The following IL7R variants were observed in gnomAD, a reference collection of about 807,000 sequenced individuals.
The protein encoded by IL7R is interleukin 7 receptor, also known as interleukin-7 receptor subunit alpha.
In IL7R, 38 loss-of-function variants were observed where a neutral mutation model predicts 47.0. That is an observed-to-expected ratio of 0.81 (90% confidence interval 0.62 to 1.06). The LOEUF (loss-of-function observed/expected upper bound fraction) is 1.06. Ranked by LOEUF, IL7R falls within the 50% of genes least tolerant of loss-of-function variation. IL7R has a pLI of 0.00. For synonymous variants in IL7R, 221 were observed against 199.8 expected, an observed-to-expected ratio of 1.11 and a Z score of -0.89; for missense variants, 633 against 534.8, an observed-to-expected ratio of 1.18 and a Z score of -1.81.
At chr5:35,870,935 T>A (rs993979394) in intron 3 of IL7R, 121 bp from the exon 4 acceptor site, 6 of 816,014 alleles carry the variant, frequency 7.4e-6, no homozygotes, top group Admixed American at 1.9e-5. Flanking sequence ...GTTTTCTGAA[T>A]AGTTGGCCAT....
intron 1 of IL7R, among the ~76,000 whole-genome samples, chr5:35,858,914 G>A (rs1356432730): frequency 2.0e-5 from 3 of 152,146 alleles, no homozygotes; most frequent in Non-Finnish European, 2.9e-5. Flanking sequence ...ACGCACATCT[G>A]TCCAGCTCTA....
intron 2 of IL7R, among the ~76,000 whole-genome samples, chr5:35,866,385 T>G (rs183078254): frequency 6.6e-6 from 1 of 152,114 alleles, no homozygotes; most frequent in Non-Finnish European, 1.5e-5. Context: ...TTTGGCCAGG[T>G]TTGGGTACCA....
Position 35,860,952 on chromosome 5 carries a change from C to A in IL7R, c.183C>A (p.Asp61Glu). Residue 61 changes from aspartate to glutamate, a missense_variant, in exon 2 of 8, where the codon GAC becomes GAA. Asp to Glu is a conservative substitution (Grantham distance 45). Transcript: ENST00000303115. ...ACTCACTGACCTGTGCTTTTGAGGA[C>A]CCAGATGTCAACATCACCAATCTGG... The part of the protein sequence containing the change: ...SQHSLTCAFE[D>E]PDVNITNLEF... 1 of 1,613,480 alleles carries A rather than the reference C, an allele frequency of 6.2e-7. No homozygotes were observed. Among genetic ancestry groups the A allele is most frequent in the Non-Finnish European group, 8.5e-7 (1 of 1,179,536 alleles).
In IL7R at chr5:35,878,520, A is replaced by T. The variant is rs1299753015; in HGVS notation, c.*2034A>T. On this transcript the variant is annotated 3_prime_UTR_variant, in exon 8 of 8. Coordinates refer to ENST00000303115, the MANE Select transcript of IL7R (RefSeq NM_002185.5). The stretch of plus-strand genomic sequence containing the variant: ...GGCAAATGCCACAAAAATGATGTAA[A>T]TTTACATGGAGGAAAAGTAGAATCT... 4.3e-6 allele frequency: 1 copy of T among 232,818 alleles called. No individual in the cohort carries two copies. Among genetic ancestry groups the T allele is most frequent in the East Asian group, 6.1e-5 (1 of 16,520 alleles). The allele number at this position is 232,818 out of a possible 1,614,324, so 14.4% of individuals were successfully genotyped here. A position where few individuals can be genotyped will look rare whatever the true frequency, so the allele number is the denominator to read the frequency against.
chr5:35,879,569 C>T lies in IL7R; in HGVS notation c.*3083C>T. 1 of 222,228 alleles carries T rather than the reference C, an allele frequency of 4.5e-6. No homozygotes were observed. Among genetic ancestry groups the T allele is most frequent in the Non-Finnish European group, 9.0e-6 (1 of 111,118 alleles). The allele number at this position is 222,228 out of a possible 1,614,324, so 13.8% of individuals were successfully genotyped here. A position where few individuals can be genotyped will look rare whatever the true frequency, so the allele number is the denominator to read the frequency against. ...TATAAGCGTACAATGTATGTAATAA[C>T]CATCTCATATTTAATTAAATGGTAT... On this transcript the variant is annotated 3_prime_UTR_variant, in exon 8 of 8. Transcript: ENST00000303115.
intron 3 of IL7R, among the ~76,000 whole-genome samples, chr5:35,868,798 C>T (rs895674850): frequency 6.6e-6 from 1 of 152,170 alleles, no homozygotes; most frequent in Admixed American, 6.5e-5. Flanking sequence ...AGCATGCAAG[C>T]CCTTACATGC....
At chr5:35,869,017 T>C (rs1330929886) in intron 3 of IL7R, among the ~76,000 whole-genome samples, 1 of 152,126 alleles carries the variant, frequency 6.6e-6, no homozygotes. Flanking sequence ...AGTGTGAGTC[T>C]CTTGGGGCTA....
At chr5:35,860,345 T>A (rs1364161271) in intron 1 of IL7R, among the ~76,000 whole-genome samples, 2 of 152,114 alleles carry the variant, frequency 1.3e-5, no homozygotes, top group African/African-American at 4.8e-5. Context: ...AAATTCTGAC[T>A]GCAAGATAGC....
rs772747002 is a variant in IL7R, at chr5:35,873,572, T to A, written c.630T>A (p.Asp210Glu). ...AGATTAAAGTTCGATCCATCCCTGA[T>A]CACTATTTTAAAGGCTTCTGGAGTG... ...MYEIKVRSIP[D>E]HYFKGFWSEW... Residue 210 changes from aspartate (D) to glutamate (E), a missense_variant, in exon 5 of 8, where the codon GAT (aspartate) becomes GAA (glutamate). Asp to Glu is a conservative substitution (Grantham distance 45). Coordinates refer to ENST00000303115, the MANE Select transcript of IL7R (RefSeq NM_002185.5). 1.9e-6 allele frequency: 3 copies of A among 1,613,978 alleles called. No individual in the cohort carries two copies. The South Asian group carries it at 3.3e-5, about 18-fold the overall frequency.
rs1435501978 is a variant in IL7R, at chr5:35,867,451, C to A, written c.367C>A (p.Leu123Ile). ...EKSLTCKKID[L>I]TTIVKPEAPF... ...GAGTCTAACCTGCAAAAAAATAGAC[C>A]TAACCACTATAGGTAAGAAGTTGTA... Residue 123 changes from leucine (L) to isoleucine (I), a missense_variant, in exon 3 of 8, where the codon CTA (leucine) becomes ATA (isoleucine). Transcript: ENST00000303115. 1 of 1,612,476 alleles carries A rather than the reference C, an allele frequency of 6.2e-7. No homozygotes were observed. The highest frequency in any genetic ancestry group is 1.3e-5 in the African/African-American group (1 of 74,818).
chr5:35,877,768 A>C lies in IL7R; in HGVS notation c.*1282A>C, dbSNP rs1580866181. ...GAGACGTATTATTAATGCTTGACAT[A>C]TATCATCTTGCCTTTCTTGGTCTAG... On this transcript the variant is annotated 3_prime_UTR_variant, in exon 8 of 8. Transcript: ENST00000303115. 8.6e-6 allele frequency: 2 copies of C among 233,316 alleles called. No individual in the cohort carries two copies. Among genetic ancestry groups the C allele is most frequent in the Non-Finnish European group, 1.7e-5 (2 of 118,046 alleles). The allele number at this position is 233,316 out of a possible 1,614,324, so 14.5% of individuals were successfully genotyped here.
chr5:35,860,871 A>C lies in IL7R; in HGVS notation c.102A>C (p.Glu34Asp). Residue 34 changes from glutamate (E) to aspartate (D), a missense_variant, in exon 2 of 8, where the codon GAA (glutamate) becomes GAC (aspartate). Transcript: ENST00000303115. ...CCCCAGGAGACTTGGAAGATGCAGA[A>C]CTGGATGACTACTCATTCTCATGCT... ...YAQNGDLEDA[E>D]LDDYSFSCYS... 6.2e-7 allele frequency: 1 copy of C among 1,613,636 alleles called. No individual in the cohort carries two copies. The highest frequency in any genetic ancestry group is 8.5e-7 in the Non-Finnish European group (1 of 1,179,606).
In IL7R at chr5:35,856,903, C is replaced by T; in HGVS notation, c.-75C>T. 4 of 861,430 alleles carry T rather than the reference C, an allele frequency of 4.6e-6. No homozygotes were observed. In the South Asian group the frequency reaches 5.3e-5, roughly 11 times the overall value. The allele number at this position is 861,430 out of a possible 1,614,324, so 53.4% of individuals were successfully genotyped here. ...TAAGCTTCTCTGTCTTCCTCCCTCC[C>T]TCCCTTCCTCTTACTCTCATTCATT... On this transcript the variant is annotated 5_prime_UTR_variant, in exon 1 of 8. Transcript: ENST00000303115.
At chr5:35,859,561 T>A (rs1438184116) in intron 1 of IL7R, among the ~76,000 whole-genome samples, 3 of 152,144 alleles carry the variant, frequency 2.0e-5, no homozygotes, top group Non-Finnish European at 4.4e-5. Flanking sequence ...GAAAAACAAA[T>A]GCCTGTGGTT....
intron 1 of IL7R, among the ~76,000 whole-genome samples, chr5:35,860,190 C>A (rs1480730252): frequency 6.6e-6 from 1 of 152,126 alleles, no homozygotes; most frequent in African/African-American, 2.4e-5. Flanking sequence ...CAGGAAGTTT[C>A]ACCAAATCGG....
rs1337027587 is a variant in IL7R at position 35,867,396 on chromosome 5, G to A, written c.312G>A (p.Lys104=). ...IETKKFLLIG[K]SNICVKVGEK... Reference sequence around the variant, plus strand: ...CAAAGAAATTCTTACTGATTGGAAAGAGCAATATATGTGTGAAGGTTGGAG... The same window carrying A: ...CAAAGAAATTCTTACTGATTGGAAAAAGCAATATATGTGTGAAGGTTGGAG... Residue 104 remains lysine, a synonymous_variant, in exon 3 of 8, where the codon AAG becomes AAA. Transcript: ENST00000303115. 1 of 1,613,474 alleles carries A rather than the reference G, an allele frequency of 6.2e-7. No homozygotes were observed. Among genetic ancestry groups the A allele is most frequent in the Non-Finnish European group, 8.5e-7 (1 of 1,179,524 alleles).
intron 4 of IL7R, chr5:35,873,155 C>T: frequency 5.7e-6 from 2 of 349,788 alleles, no homozygotes; most frequent in Non-Finnish European, 1.1e-5. Context: ...CCTTTCATCT[C>T]CCCTTAATAT....
Position 35,876,796 on chromosome 5 carries a change from A to G in IL7R, c.*310A>G. ...TAAAGGAAATGATTGAGGAGTGAGG[A>G]AGGCAGGAAGAGAGCATGAGAGGAA... is the stretch of plus-strand genomic sequence containing the variant. On this transcript the variant is annotated 3_prime_UTR_variant, in exon 8 of 8. Transcript: ENST00000303115. 1 of 424,534 alleles carries G rather than the reference A, an allele frequency of 2.4e-6. No individual in the cohort carries two copies. The highest frequency in any genetic ancestry group is 3.9e-5 in the East Asian group (1 of 25,690). 26.3% of individuals were successfully genotyped at this position (424,534 alleles called of 1,614,324 possible). A position where few individuals can be genotyped will look rare whatever the true frequency, so the allele number is the denominator to read the frequency against.
chr5:35,876,794 G>A lies in IL7R; in HGVS notation c.*308G>A. On this transcript the variant is annotated 3_prime_UTR_variant, in exon 8 of 8. Coordinates refer to ENST00000303115, the MANE Select transcript of IL7R (RefSeq NM_002185.5). ...AGTAAAGGAAATGATTGAGGAGTGA[G>A]GAAGGCAGGAAGAGAGCATGAGAGG... is the stretch of plus-strand genomic sequence containing the variant. 2.4e-6 allele frequency: 1 copy of A among 418,026 alleles called. No individual in the cohort carries two copies. 25.9% of individuals were successfully genotyped at this position (418,026 alleles called of 1,614,324 possible).
Sources: gnomAD v4.1 joint callset for allele counts (sites outside exome capture counted in the v4.1 genomes callset) on GRCh38, gnomAD v4.1.1 for gene constraint, MANE v1.5 for transcripts, NCBI Gene and HGNC (gene_info 2026-07-23, HGNC 2026-07-21) for gene names.